The following CSNK2A1 variants were observed in gnomAD, a reference collection of about 807,000 sequenced individuals.
CSNK2A1 encodes casein kinase II subunit alpha.
Under a neutral mutation model 62.9 loss-of-function variants are expected in CSNK2A1, and 10 were observed. The ratio of observed to expected loss-of-function variants is 0.16; its 90% CI spans 0.10 to 0.27. The LOEUF (loss-of-function observed/expected upper bound fraction) is 0.27. CSNK2A1 is among the 10% of genes least tolerant of loss of function. CSNK2A1 has a pLI of 1.00. For synonymous variants in CSNK2A1, 124 were observed against 167.8 expected (o/e 0.74, Z 2.02); for missense variants, 160 against 492.0 (o/e 0.33, Z 6.38).
Position 482,208 on chromosome 20 carries a change from A to G in CSNK2A1, c.*1753T>C, listed in dbSNP as rs1170926196. ...GGCCTGTGAATCTATAAGGTAGGAG[A>G]ATGGGGAACTAAGATTTTAGGCCTT... On this transcript the variant is annotated 3_prime_UTR_variant, in exon 14 of 14. Coordinates refer to ENST00000217244, the MANE Select transcript of CSNK2A1 (RefSeq NM_177559.3). 1.3e-5 allele frequency: 2 copies of G among 152,228 alleles called. No individual in the cohort carries two copies. The highest frequency in any genetic ancestry group is 2.9e-5 in the Non-Finnish European group (2 of 68,028). The allele number at this position is 152,228 out of a possible 1,614,324, so 9.4% of individuals were successfully genotyped here. A position where few individuals can be genotyped will look rare whatever the true frequency, so the allele number is the denominator to read the frequency against.
chr20:499,978 T>G lies in CSNK2A1; in HGVS notation c.214-44A>C. The G allele has an allele frequency of 8.0e-7, 1 of 1,252,572 alleles. No homozygotes were observed. Among genetic ancestry groups the G allele is most frequent in the Non-Finnish European group, 1.1e-6 (1 of 878,132 alleles). The allele number at this position is 1,252,572 out of a possible 1,614,324, so 77.6% of individuals were successfully genotyped here. ...ATCAGCAAAAAAAAAAAAAAAAAAT[T>G]TTTTCAGAGTATTTCAACACGTAGT... On this transcript the variant is annotated intron_variant, in intron 4 of 13. Transcript: ENST00000217244. This position sits in a 1 kb window ranked among gnomAD's most constrained non-coding sequence, Gnocchi z 4.2.
chr20:508,420 T>A lies in CSNK2A1; in HGVS notation c.101+31A>T, dbSNP rs763900419. 1.1e-5 allele frequency: 17 copies of A among 1,609,552 alleles called. No individual in the cohort carries two copies. The South Asian group carries it at 1.8e-4, about 17-fold the overall frequency. On this transcript the variant is annotated intron_variant, in intron 3 of 13. Transcript: ENST00000217244. ...GATCCACAAGATTCAGCCCTTTGAG[T>A]GAGTATAATGAAGTCAACAAAAACA...
At chr20:525,667 A>G (rs1158539480) in intron 2 of CSNK2A1, among the ~76,000 whole-genome samples, 19 of 143,684 alleles carry the variant, frequency 1.3e-4, no homozygotes, top group African/African-American at 4.7e-4. Context: ...AAAAAAAAAA[A>G]GAAAAAAAAA....
intron 2 of CSNK2A1, among the ~76,000 whole-genome samples, chr20:512,140 C>T (rs1402529003): frequency 6.6e-6 from 1 of 151,942 alleles, no homozygotes; most frequent in Non-Finnish European, 1.5e-5. Context: ...CCTCCCACCT[C>T]GGCCTCCCAA....
rs754453488 is a variant in CSNK2A1, at chr20:489,767, T to C, written c.723+13A>G. ...AGGCCAGTACATTTTTCAATGGGTA[T>C]AACATATATTACCTGATCATAATTG... On this transcript the variant is annotated intron_variant, in intron 10 of 13. Coordinates refer to ENST00000217244, the MANE Select transcript of CSNK2A1 (RefSeq NM_177559.3). The C allele has an allele frequency of 7.5e-6, 12 of 1,605,402 alleles. No homozygotes were observed. The highest frequency in any genetic ancestry group is 8.5e-6 in the Non-Finnish European group (10 of 1,173,054).
intron 1 of CSNK2A1, among the ~76,000 whole-genome samples, chr20:538,499 T>C (rs535051380): frequency 6.6e-6 from 1 of 152,340 alleles, no homozygotes; most frequent in South Asian, 2.1e-4. Flanking sequence ...ACTTCCTTCA[T>C]CCTCTGACTA....
intron 2 of CSNK2A1, among the ~76,000 whole-genome samples, chr20:513,117 A>C (rs889465558): frequency 5.3e-5 from 8 of 152,236 alleles, no homozygotes; most frequent in Non-Finnish European, 1.2e-4. Context: ...TATTACTTTT[A>C]ATATACTAAA....
At chr20:495,885 T>G in intron 7 of CSNK2A1, 83 bp from the exon 8 acceptor site, 1 of 1,211,036 alleles carries the variant, frequency 8.3e-7, no homozygotes, top group East Asian at 2.4e-5. Flanking sequence ...AAATTTTCCT[T>G]TTAGCCTCAC....
At chr20:485,099 A>ATAATAATAATAATAATAATAAT (rs2018056429) in intron 13 of CSNK2A1, among the ~76,000 whole-genome samples, 1 of 34,460 alleles carries the variant, frequency 2.9e-5, no homozygotes, top group African/African-American at 9.7e-5. Flanking sequence ...AAAAAAAAAA[A>ATAATAATAATAATAATAATAAT]AAAAAAAAAA....
chr20:529,538 C>A (rs554117609), intron 1 of CSNK2A1, among the ~76,000 whole-genome samples: 1 of 152,188 alleles, frequency 6.6e-6, no homozygotes, highest in Admixed American at 6.6e-5. Context: ...CCCCAAAGTG[C>A]AAGAGTAGCG....
intron 1 of CSNK2A1, chr20:539,710 T>C (rs1010090169): frequency 1.3e-5 from 2 of 152,240 alleles, no homozygotes; most frequent in Non-Finnish European, 2.9e-5. Context: ...GATTCATCTC[T>C]CTCTCAAATG....
intron 2 of CSNK2A1, among the ~76,000 whole-genome samples, chr20:524,513 A>G (rs1051382731): frequency 1.3e-5 from 2 of 151,296 alleles, no homozygotes; most frequent in African/African-American, 2.4e-5. Context: ...GGAGTTTGAG[A>G]CCAGCCTGGC....
intron 3 of CSNK2A1, among the ~76,000 whole-genome samples, chr20:505,668 A>AT (rs11484480): frequency 0.43 from 60,624 of 142,492 alleles, 13,657 homozygotes; most frequent in East Asian, 0.67. Context: ...GGCCCATTGT[A>AT]TTTTTTTTTT....
chr20:486,254 T>TA (rs956175226), intron 13 of CSNK2A1, 122 bp downstream of exon 13: 96 of 1,075,540 alleles, frequency 8.9e-5, no homozygotes, highest in South Asian at 1.5e-4. Flanking sequence ...GAAACCTGGT[T>TA]AAAAAAAAGT....
rs186494916 is a variant in CSNK2A1 at position 533,401 on chromosome 20, T to C, written c.-226-5352A>G. Among the ~76,000 whole-genome samples, 434 of 152,302 alleles carry C rather than the reference T, an allele frequency of 2.8e-3. 2 individuals are homozygous for C. The highest frequency in any genetic ancestry group is 3.9e-3 in the Non-Finnish European group (266 of 68,016). On this transcript the variant is annotated intron_variant, in intron 1 of 13. Transcript: ENST00000217244. Reference sequence around the variant, plus strand: ...AACATGCCCCTAGGGGCCTTCTGCTTTTATTCCTACATACAAAACATACAA... The same window carrying C: ...AACATGCCCCTAGGGGCCTTCTGCTCTTATTCCTACATACAAAACATACAA...
chr20:519,629 T>TTTCAAA (rs2018903059), intron 2 of CSNK2A1, among the ~76,000 whole-genome samples: 3 of 152,200 alleles, frequency 2.0e-5, no homozygotes, highest in Admixed American at 2.0e-4. Flanking sequence ...ACAGCTGATT[T>TTTCAAA]TTCAAAACCA....
At chr20:495,994 G>A in intron 7 of CSNK2A1, 192 bp from the exon 8 acceptor site, 1 of 536,632 alleles carries the variant, frequency 1.9e-6, no homozygotes, top group Non-Finnish European at 3.4e-6. Flanking sequence ...AGCTCTCTGA[G>A]CTTAGAGATC....
chr20:490,561 G>A lies in CSNK2A1; in HGVS notation c.622-680C>T, dbSNP rs1041310994. Among the ~76,000 whole-genome samples the A allele has an allele frequency of 6.0e-5, 9 of 150,770 alleles. No individual in the cohort carries two copies. The South Asian group carries it at 1.3e-3, about 21-fold the overall frequency. Reference sequence around the variant, plus strand: ...TGGGATTACAAGCGCCCACCACCGCGCCTGGCTAATTTTTTTGTATTTTTA... The same window carrying A: ...TGGGATTACAAGCGCCCACCACCGCACCTGGCTAATTTTTTTGTATTTTTA... On this transcript the variant is annotated intron_variant, in intron 9 of 13. Coordinates refer to ENST00000217244, the MANE Select transcript of CSNK2A1 (RefSeq NM_177559.3).
intron 1 of CSNK2A1, 45 bp downstream of exon 1, chr20:543,626 GC>G (rs2019501577): frequency 2.5e-6 from 1 of 397,458 alleles, no homozygotes; most frequent in Admixed American, 4.4e-5. Context: ...CCTATCCTGG[GC>G]CCACCCCACC....
Sources: allele counts gnomAD v4.1 joint callset (sites outside exome capture counted in the v4.1 genomes callset), GRCh38; gene constraint gnomAD v4.1.1; non-coding constraint Gnocchi (gnomAD v3.1); transcripts MANE v1.5; gene names NCBI Gene and HGNC (gene_info 2026-07-23, HGNC 2026-07-21).